Variants in TMEM132B observed in about 807,000 individuals in gnomAD.
The protein encoded by TMEM132B is transmembrane protein 132B.
A neutral mutation model predicts 90.8 loss-of-function variants in TMEM132B; 18 were observed. The observed-to-expected ratio is 0.20, with a 90% CI of 0.14 to 0.29. The LOEUF is 0.29. Ranked by LOEUF, TMEM132B falls within the 10% of genes least tolerant of loss-of-function variation. The pLI, the probability that TMEM132B is intolerant of heterozygous loss-of-function variation, is 1.00. For missense variants in TMEM132B, 1,096 were observed against 1,326.8 expected, an observed-to-expected ratio of 0.83 and a Z score of 2.70; for synonymous variants, 504 against 523.3, an observed-to-expected ratio of 0.96 and a Z score of 0.50.
chr12:125,609,285 A>C (rs1885769032), intron 5 of TMEM132B, among the ~76,000 whole-genome samples: 1 of 152,166 alleles, frequency 6.6e-6, no homozygotes, highest in Non-Finnish European at 1.5e-5. Context: ...ATTGAATCAT[A>C]TGTCTATCTT....
chr12:125,192,033 G>A (rs866677236), intron 1 of TMEM132B, among the ~76,000 whole-genome samples: 4 of 152,176 alleles, frequency 2.6e-5, no homozygotes, highest in African/African-American at 9.7e-5. Flanking sequence ...TTGGGGACAC[G>A]TGCTGCAGCC....
intron 5 of TMEM132B, among the ~76,000 whole-genome samples, chr12:125,593,956 G>C (rs912582045): frequency 2.5e-4 from 38 of 152,112 alleles, no homozygotes; most frequent in African/African-American, 8.5e-4. Flanking sequence ...AATTTGATTA[G>C]TTTTGACGAT....
intron 1 of TMEM132B, among the ~76,000 whole-genome samples, chr12:125,214,384 G>A (rs1873387143): frequency 6.6e-6 from 1 of 152,160 alleles, no homozygotes; most frequent in African/African-American, 2.4e-5. Flanking sequence ...CCCACCAGCT[G>A]AGCAGCCCAG....
At chr12:125,500,024 A>G (rs1433703907) in intron 3 of TMEM132B, among the ~76,000 whole-genome samples, 1 of 152,142 alleles carries the variant, frequency 6.6e-6, no homozygotes, top group Admixed American at 6.5e-5. Flanking sequence ...CTTAATAATA[A>G]ATGCTGGTAT....
chr12:125,632,113 A>G (rs1450634132), intron 5 of TMEM132B, among the ~76,000 whole-genome samples: 2 of 151,312 alleles, frequency 1.3e-5, no homozygotes, highest in Non-Finnish European at 3.0e-5. Context: ...TGGTGATACA[A>G]TTTACTTTCT....
At chr12:125,566,952 TC>T (rs1418892747) in intron 4 of TMEM132B, among the ~76,000 whole-genome samples, 1 of 148,136 alleles carries the variant, frequency 6.8e-6, no homozygotes, top group East Asian at 2.1e-4. Flanking sequence ...CAAGCAATTC[TC>T]CTGCCTCAGC....
Position 125,490,161 on chromosome 12 carries a change from A to G in TMEM132B, c.1107-29278A>G, listed in dbSNP as rs2136554678. 6.6e-6 allele frequency among the ~76,000 whole-genome samples: 1 copy of G among 152,346 alleles called. No individual in the cohort carries two copies. The highest frequency in any genetic ancestry group is 1.9e-4 in the East Asian group (1 of 5,184). ...TAGTAACTAAAATACTAACGACATT[A>G]AGTTGAATTCTTACTGTGTGCCAGG... On this transcript the variant is annotated intron_variant, in intron 3 of 8. Transcript: ENST00000682704. This position sits in a 1 kb window ranked among gnomAD's most constrained non-coding sequence, Gnocchi z 4.2.
rs1883007913 is a variant in TMEM132B, at chr12:125,512,540, AG to A, written c.1107-6898del. 2.0e-5 allele frequency among the ~76,000 whole-genome samples: 3 copies of A among 152,214 alleles called. No homozygotes were observed. In the South Asian group the frequency reaches 6.2e-4, roughly 32 times the overall value. ...GAGTATGCCCAGTTGGCACAGTCCT[AG>A]ATTTTTTTTAAAGTTCTGTGTAGCA... On this transcript the variant is annotated intron_variant, in intron 3 of 8. Transcript: ENST00000682704.
At chr12:125,416,260 C>T (rs574971698) in intron 3 of TMEM132B, among the ~76,000 whole-genome samples, 18 of 152,302 alleles carry the variant, frequency 1.2e-4, no homozygotes, top group African/African-American at 3.8e-4. Flanking sequence ...GTGTTGCAGC[C>T]GCCTTCCCTA....
intron 1 of TMEM132B, among the ~76,000 whole-genome samples, chr12:125,245,267 C>T (rs913520676): frequency 1.4e-5 from 2 of 147,410 alleles, no homozygotes; most frequent in African/African-American, 5.0e-5. Flanking sequence ...GATGCCCCCC[C>T]AGGCAGCCCC....
chr12:125,579,094 G>A (rs75502598), intron 4 of TMEM132B, among the ~76,000 whole-genome samples: 2,543 of 152,036 alleles, frequency 0.017, 76 homozygotes, highest in African/African-American at 0.058. Context: ...TATGCTTGAT[G>A]GCATCACAGA....
intron 2 of TMEM132B, among the ~76,000 whole-genome samples, chr12:125,405,031 C>T (rs1879426296): frequency 6.6e-6 from 1 of 152,224 alleles, no homozygotes; most frequent in South Asian, 2.1e-4. Flanking sequence ...TATTAGCTCA[C>T]TTAACCCTTG....
intron 1 of TMEM132B, among the ~76,000 whole-genome samples, chr12:125,222,010 C>T (rs1169723904): frequency 2.6e-5 from 4 of 152,162 alleles, no homozygotes; most frequent in Non-Finnish European, 5.9e-5. Flanking sequence ...GCTGCAGTCT[C>T]CCAAGGTGAT....
At chr12:125,494,951 A>C (rs12812547) in intron 3 of TMEM132B, among the ~76,000 whole-genome samples, 2 of 71,418 alleles carry the variant, frequency 2.8e-5, no homozygotes, top group Non-Finnish European at 5.2e-5. Context: ...CTCTTCCCTG[A>C]AAATGGATGC....
intron 5 of TMEM132B, among the ~76,000 whole-genome samples, chr12:125,600,793 G>T (rs1277469158): frequency 6.6e-6 from 1 of 151,984 alleles, no homozygotes; most frequent in African/African-American, 2.4e-5. Flanking sequence ...CAAATGGAAA[G>T]AAATAAAAGC....
chr12:125,209,250 T>C lies in TMEM132B; in HGVS notation c.67+22384T>C, dbSNP rs1028869315. ...ACGAGGGCCGCTCTCTTTCTGTAAA[T>C]GAATGTTGGGGAGCCTGGCCTGCTG... is the stretch of plus-strand genomic sequence containing the variant. On this transcript the variant is annotated intron_variant, in intron 1 of 8. Transcript: ENST00000682704. The surrounding 1 kb of genome is among the most constrained non-coding windows in gnomAD (Gnocchi z 4.4). Among the ~76,000 whole-genome samples the C allele has an allele frequency of 6.6e-6, 1 of 152,156 alleles. No homozygotes were observed. The highest frequency in any genetic ancestry group is 2.4e-5 in the African/African-American group (1 of 41,430).
intron 3 of TMEM132B, among the ~76,000 whole-genome samples, chr12:125,444,276 C>G (rs1880947129): frequency 6.6e-6 from 1 of 152,046 alleles, no homozygotes; most frequent in African/African-American, 2.4e-5. Flanking sequence ...TTCAAAGAAC[C>G]ATTGTTAACA....
rs188950889 is a variant in TMEM132B at position 125,544,451 on chromosome 12, T to C, written c.1293+24826T>C. ...TATTAGGTGGCCTGGGTCTGGCTCT[T>C]CATCCATGGAACTGTGGGATGGGTT... is the stretch of plus-strand genomic sequence containing the variant. On this transcript the variant is annotated intron_variant, in intron 4 of 8. Transcript: ENST00000682704. Among the ~76,000 whole-genome samples, 430 of 152,338 alleles carry C rather than the reference T, an allele frequency of 2.8e-3. 1 individual carries two copies. The highest frequency in any genetic ancestry group is 5.2e-3 in the Non-Finnish European group (351 of 68,036).
chr12:125,616,976 T>A (rs1413105272), intron 5 of TMEM132B, among the ~76,000 whole-genome samples: 1 of 152,212 alleles, frequency 6.6e-6, no homozygotes, highest in East Asian at 1.9e-4. Context: ...AATAACCAAG[T>A]CTGCTAGCAT....
Sources: gnomAD v4.1 joint callset for allele counts (sites outside exome capture counted in the v4.1 genomes callset) on GRCh38, gnomAD v4.1.1 for gene constraint, Gnocchi (gnomAD v3.1) non-coding constraint, MANE v1.5 for transcripts, NCBI Gene and HGNC (gene_info 2026-07-23, HGNC 2026-07-21) for gene names.